Variants in VSIG1 observed in about 807,000 individuals in gnomAD.
VSIG1 encodes the protein V-set and immunoglobulin domain-containing protein 1.
A neutral mutation model predicts 20.1 loss-of-function variants in VSIG1; 11 were observed. The ratio of observed to expected loss-of-function variants is 0.55; its 90% CI spans 0.34 to 0.91. VSIG1 has a LOEUF of 0.91. VSIG1 is among the 40% of genes least tolerant of loss of function. The pLI is 0.02. For missense variants in VSIG1, 283 were observed against 298.8 expected (o/e 0.95, Z 0.39); for synonymous variants, 126 against 116.7 (o/e 1.08, Z -0.52).
intron 3 of VSIG1, among the ~76,000 whole-genome samples, 179 bp from the exon 4 acceptor site, chrX:108,072,498 C>T (rs933793063): frequency 7.6e-4 from 85 of 111,770 alleles, no homozygotes; most frequent in African/African-American, 2.7e-3. Flanking sequence ...GGTGATCCAC[C>T]TACCTCGGCC....
intron 2 of VSIG1, chrX:108,061,652 G>A (rs746049898): frequency 7.0e-6 from 4 of 567,989 alleles, no homozygotes; most frequent in East Asian, 3.6e-5. Flanking sequence ...ATCAAGATCA[G>A]CACAAGCCCC....
intron 2 of VSIG1, among the ~76,000 whole-genome samples, chrX:108,060,143 C>CT (rs1364627199): frequency 6.3e-5 from 7 of 111,175 alleles, no homozygotes; most frequent in African/African-American, 2.3e-4. Context: ...CTTAGAAGCA[C>CT]TTTTAAAAAA....
chrX:108,072,214 G>C (rs1409352333), intron 3 of VSIG1, among the ~76,000 whole-genome samples: 6 of 109,979 alleles, frequency 5.5e-5, no homozygotes, highest in Non-Finnish European at 5.7e-5. Flanking sequence ...ACTCCCACCT[G>C]GTGGTGCAAG....
rs764140353 is a variant in VSIG1, at chrX:108,073,347, C to T, written c.666C>T (p.Cys222=). Reference sequence around the variant, plus strand: ...TCAACAGACTTGGCAATAGTTCCTGCGAAATCGATCTCACTTCTTCACGTG... The same window carrying T: ...TCAACAGACTTGGCAATAGTTCCTGTGAAATCGATCTCACTTCTTCACGTG... ...TAINRLGNSS[C]EIDLTSSHPE... The change falls in exon 5 of 7, where the codon TGC becomes TGT. Residue 222 remains cysteine (C), a synonymous_variant. Coordinates refer to ENST00000217957, the MANE Select transcript of VSIG1 (RefSeq NM_182607.5). 2.2e-5 allele frequency: 27 copies of T among 1,208,645 alleles called. No individual in the cohort carries two copies. Among genetic ancestry groups the T allele is most frequent in the Middle Eastern group, 4.6e-4 (2 of 4,370 alleles).
intron 5 of VSIG1, chrX:108,073,826 CTGAG>C (rs1311216962): frequency 3.6e-5 from 4 of 112,286 alleles, no homozygotes; most frequent in Admixed American, 9.5e-5. Flanking sequence ...ATGAATTATG[CTGAG>C]TATTATCTCA....
the VSIG1 span, among the ~76,000 whole-genome samples, chrX:108,034,359 C>T: frequency 8.9e-6 from 1 of 111,872 alleles, no homozygotes; most frequent in African/African-American, 3.2e-5. Context: ...CCAAGATGTT[C>T]CTTTCACTTT....
the VSIG1 span, among the ~76,000 whole-genome samples, chrX:108,030,657 C>G: frequency 2.7e-5 from 3 of 112,221 alleles, no homozygotes; most frequent in Non-Finnish European, 5.6e-5. Context: ...TTTTATAGGA[C>G]AAGCAGCGGA....
chrX:108,065,417 G>A (rs1364553320), intron 2 of VSIG1, among the ~76,000 whole-genome samples: 5 of 111,772 alleles, frequency 4.5e-5, no homozygotes, highest in Admixed American at 9.5e-5. Context: ...AGGCCTTCCA[G>A]TAGATTTTAT....
At chrX:108,055,044 A>C (rs1356371684) in intron 1 of VSIG1, among the ~76,000 whole-genome samples, 1 of 110,537 alleles carries the variant, frequency 9.0e-6, no homozygotes, top group African/African-American at 3.3e-5. Context: ...AAAAAAAATC[A>C]GTAAAACTGA....
chrX:108,038,801 T>G, the VSIG1 span, among the ~76,000 whole-genome samples: 2 of 112,043 alleles, frequency 1.8e-5, no homozygotes, highest in Non-Finnish European at 3.8e-5. Flanking sequence ...GAGGTGGTGG[T>G]GTGGGTAAGA....
intron 3 of VSIG1, among the ~76,000 whole-genome samples, chrX:108,068,748 C>T (rs2031182552): frequency 9.0e-6 from 1 of 111,716 alleles, no homozygotes; most frequent in South Asian, 3.8e-4. Flanking sequence ...GACACAGATC[C>T]AAACCATATC....
chrX:108,044,942 T>C (rs1366562158), upstream of VSIG1: 9 of 307,239 alleles, frequency 2.9e-5, no homozygotes, highest in Admixed American at 1.8e-4. Context: ...TGAAAAGTGT[T>C]TCAAAGAAAC....
At chrX:108,022,922 C>A in the VSIG1 span, among the ~76,000 whole-genome samples, 1 of 111,760 alleles carries the variant, frequency 8.9e-6, no homozygotes, top group Admixed American at 9.5e-5. Flanking sequence ...CCCTCTCTCA[C>A]CATGTGACAC....
the VSIG1 span, among the ~76,000 whole-genome samples, chrX:108,020,132 C>G: frequency 8.9e-6 from 1 of 112,260 alleles, no homozygotes; most frequent in Non-Finnish European, 1.9e-5. Flanking sequence ...AGAGATGCCT[C>G]TAATCAACCA....
the VSIG1 span, among the ~76,000 whole-genome samples, chrX:108,027,871 G>A: frequency 9.0e-6 from 1 of 110,801 alleles, no homozygotes; most frequent in African/African-American, 3.3e-5. Context: ...AGGAAAGAGG[G>A]ATATATTTAG....
At chrX:108,047,957 CACACATATATAT>C (rs1468807040) in intron 1 of VSIG1, among the ~76,000 whole-genome samples, 533 of 25,835 alleles carry the variant, frequency 0.021, 6 homozygotes, top group Non-Finnish European at 0.025. Context: ...TATATATACA[CACACATATATAT>C]ATATATATAT....
chrX:108,040,357 A>C (rs1431607216), upstream of VSIG1, among the ~76,000 whole-genome samples: 1 of 112,055 alleles, frequency 8.9e-6, no homozygotes, highest in African/African-American at 3.2e-5. Flanking sequence ...TAAAAGGCTG[A>C]GGACCACAGA....
the VSIG1 span, among the ~76,000 whole-genome samples, chrX:108,019,976 A>G: frequency 8.2e-4 from 91 of 111,424 alleles, 3 homozygotes; most frequent in East Asian, 0.024. Context: ...GATCTTGGTT[A>G]GGAGGCCAAC....
the VSIG1 span, among the ~76,000 whole-genome samples, chrX:108,019,116 C>T: frequency 0.042 from 4,672 of 111,900 alleles, 263 homozygotes; most frequent in African/African-American, 0.14. Flanking sequence ...GGTGAGACAA[C>T]ACTTTGGGAT....
Sources: gnomAD v4.1 joint callset for allele counts (sites outside exome capture counted in the v4.1 genomes callset) on GRCh38, gnomAD v4.1.1 for gene constraint, MANE v1.5 for transcripts, NCBI Gene and HGNC (gene_info 2026-07-23, HGNC 2026-07-21) for gene names.